PTPRD: variants seen among roughly 807,000 people sequenced by gnomAD.
PTPRD encodes the protein protein tyrosine phosphatase receptor type D, also known as receptor-type tyrosine-protein phosphatase delta.
PTPRD carries 34 observed loss-of-function variants against 214.5 expected under a neutral mutation model. That is an observed-to-expected ratio of 0.16 (90% CI 0.12 to 0.21). The LOEUF (loss-of-function observed/expected upper bound fraction) is 0.21, where lower values mean the gene tolerates loss of function less well. PTPRD is among the 10% of genes least tolerant of loss of function. PTPRD has a pLI of 1.00. For synonymous variants in PTPRD, 1,128 were observed against 845.7 expected, an observed-to-expected ratio of 1.33 and a Z score of -5.79; for missense variants, 2,545 against 2,398.7, an observed-to-expected ratio of 1.06 and a Z score of -1.27.
At chr9:9,551,668 G>A (rs2080287707) in intron 8 of PTPRD, among the ~76,000 whole-genome samples, 1 of 151,820 alleles carries the variant, frequency 6.6e-6, no homozygotes, top group Admixed American at 6.6e-5. Context: ...TAATTCCATT[G>A]GACTTTCCAT....
At chr9:9,512,822 C>T (rs2096740990) in intron 8 of PTPRD, among the ~76,000 whole-genome samples, 1 of 150,784 alleles carries the variant, frequency 6.6e-6, no homozygotes, top group East Asian at 2.0e-4. Context: ...GGCTGCTATG[C>T]TGTTCTCTTT....
chr9:8,973,426 C>G (rs1047135703), intron 11 of PTPRD, among the ~76,000 whole-genome samples: 1 of 151,954 alleles, frequency 6.6e-6, no homozygotes, highest in Non-Finnish European at 1.5e-5. Context: ...TAGTATTCCA[C>G]AGTACATATG....
chr9:9,335,192 G>A (rs2043947960), intron 9 of PTPRD, among the ~76,000 whole-genome samples: 1 of 151,938 alleles, frequency 6.6e-6, no homozygotes, highest in South Asian at 2.1e-4. Context: ...TTTTGAAAAA[G>A]CCTTAAAAAG....
At chr9:8,985,176 A>C (rs1441178989) in intron 11 of PTPRD, among the ~76,000 whole-genome samples, 1 of 152,128 alleles carries the variant, frequency 6.6e-6, no homozygotes, top group Non-Finnish European at 1.5e-5. Context: ...CATATTGTTT[A>C]GAATTTCAGA....
chr9:9,471,914 AT>A (rs963167102), intron 8 of PTPRD, among the ~76,000 whole-genome samples: 1 of 152,084 alleles, frequency 6.6e-6, no homozygotes, highest in Admixed American at 6.6e-5. Context: ...CATTTTAATG[AT>A]TTTTTTAACT....
At chr9:8,928,580 G>GTACCATGCTATT (rs58910166) in intron 11 of PTPRD, among the ~76,000 whole-genome samples, 2 of 149,428 alleles carry the variant, frequency 1.3e-5, no homozygotes, top group African/African-American at 2.4e-5. Context: ...TTTGGTACCA[G>GTACCATGCTATT]TTGGTTACTC....
At chr9:10,268,332 T>C (rs1209225711) in intron 3 of PTPRD, among the ~76,000 whole-genome samples, 2 of 150,466 alleles carry the variant, frequency 1.3e-5, no homozygotes, top group African/African-American at 4.9e-5. Flanking sequence ...ATAATAATAA[T>C]AATAGTGGTT....
chr9:10,081,450 A>T (rs1322731749), intron 3 of PTPRD, among the ~76,000 whole-genome samples: 2 of 152,060 alleles, frequency 1.3e-5, no homozygotes, highest in Admixed American at 6.6e-5. Flanking sequence ...GGAGGCAATT[A>T]GGTCATGAAG....
chr9:9,403,310 A>AAAAAT (rs2071696551), intron 8 of PTPRD, among the ~76,000 whole-genome samples: 1 of 149,536 alleles, frequency 6.7e-6, no homozygotes, highest in Non-Finnish European at 1.5e-5. Flanking sequence ...AAAAAAAAAA[A>AAAAAT]ACCAAAACAA....
At chr9:9,220,409 T>G (rs2099955131) in intron 9 of PTPRD, among the ~76,000 whole-genome samples, 1 of 151,858 alleles carries the variant, frequency 6.6e-6, no homozygotes, top group Non-Finnish European at 1.5e-5. Context: ...TCTTACCAAA[T>G]GAAGGCCAAT....
intron 11 of PTPRD, among the ~76,000 whole-genome samples, chr9:8,831,908 T>G (rs2097299972): frequency 1.0e-5 from 1 of 98,614 alleles, no homozygotes. Context: ...TCTCCTTTAG[T>G]GCTTTTTTTG....
intron 11 of PTPRD, among the ~76,000 whole-genome samples, chr9:8,879,409 C>T (rs1356520508): frequency 1.3e-5 from 2 of 152,070 alleles, no homozygotes; most frequent in East Asian, 3.9e-4. Flanking sequence ...ATACTTTTCT[C>T]CATGTATTTA....
chr9:8,491,925 T>C (rs1451269656), intron 27 of PTPRD, among the ~76,000 whole-genome samples: 1 of 152,162 alleles, frequency 6.6e-6, no homozygotes, highest in African/African-American at 2.4e-5. Flanking sequence ...ATGGTTTACA[T>C]GTTCACGGGA....
At chr9:9,265,747 C>A (rs959068596) in intron 9 of PTPRD, among the ~76,000 whole-genome samples, 2 of 150,556 alleles carry the variant, frequency 1.3e-5, no homozygotes, top group Admixed American at 6.6e-5. Context: ...CAAAGCACAC[C>A]ACTACAAAAA....
intron 14 of PTPRD, among the ~76,000 whole-genome samples, chr9:8,595,662 T>G (rs1187349948): frequency 6.6e-6 from 1 of 152,184 alleles, no homozygotes; most frequent in Admixed American, 6.5e-5. Context: ...ATTCATGAAG[T>G]GCATCGAAAA....
chr9:9,128,645 T>G (rs1235369442), intron 10 of PTPRD, among the ~76,000 whole-genome samples: 1 of 152,252 alleles, frequency 6.6e-6, no homozygotes, highest in Non-Finnish European at 1.5e-5. Flanking sequence ...ATACGACTTT[T>G]TGAGTGTTCA....
chr9:9,681,384 C>T (rs1436251672), intron 7 of PTPRD, among the ~76,000 whole-genome samples: 1 of 151,614 alleles, frequency 6.6e-6, no homozygotes, highest in East Asian at 1.9e-4. Flanking sequence ...CCTTATTTTT[C>T]CTCTTTCATT....
intron 3 of PTPRD, among the ~76,000 whole-genome samples, chr9:10,264,250 G>A (rs1457771899): frequency 1.3e-5 from 2 of 152,128 alleles, no homozygotes; most frequent in Non-Finnish European, 2.9e-5. Context: ...GAAGAGGGCT[G>A]CCATCATCCA....
At chr9:10,297,193 T>C (rs1027791418) in intron 3 of PTPRD, among the ~76,000 whole-genome samples, 1 of 150,732 alleles carries the variant, frequency 6.6e-6, no homozygotes, top group Admixed American at 6.6e-5. Context: ...TTGTTACATA[T>C]GTATACATGT....
Sources: gnomAD v4.1 joint callset for allele counts (sites outside exome capture counted in the v4.1 genomes callset) on GRCh38, gnomAD v4.1.1 for gene constraint, MANE v1.5 for transcripts, NCBI Gene and HGNC (gene_info 2026-07-23, HGNC 2026-07-21) for gene names.